The following ENTREP2 variants were observed in gnomAD, a reference collection of about 807,000 sequenced individuals.
The protein encoded by ENTREP2 is protein ENTREP2.
the ENTREP2 span, among the ~76,000 whole-genome samples, chr15:29,657,699 T>C: frequency 1.3e-5 from 2 of 152,150 alleles, no homozygotes; most frequent in African/African-American, 2.4e-5. Context: ...ACAATCCTCT[T>C]GTGAGACAGA....
chr15:29,332,206 A>G, the ENTREP2 span, among the ~76,000 whole-genome samples: 1 of 152,226 alleles, frequency 6.6e-6, no homozygotes, highest in Non-Finnish European at 1.5e-5. Flanking sequence ...CAAAGATATA[A>G]CAAAGTTAAA....
the ENTREP2 span, among the ~76,000 whole-genome samples, chr15:29,159,985 C>T: frequency 6.6e-6 from 1 of 152,246 alleles, no homozygotes; most frequent in Non-Finnish European, 1.5e-5. Context: ...CGGCGCTCGC[C>T]CGGGAGGCTC....
chr15:29,456,666 A>C, the ENTREP2 span, among the ~76,000 whole-genome samples: 1 of 152,196 alleles, frequency 6.6e-6, no homozygotes. Context: ...CCTGGAGAAA[A>C]TATGTATAAA....
the ENTREP2 span, among the ~76,000 whole-genome samples, chr15:29,510,765 C>T: frequency 2.0e-5 from 3 of 149,960 alleles, no homozygotes; most frequent in Non-Finnish European, 4.4e-5. Flanking sequence ...TGAGATCATG[C>T]CGCCACTACA....
At chr15:29,268,134 A>T in the ENTREP2 span, 1 of 152,212 alleles carries the variant, frequency 6.6e-6, no homozygotes, top group Non-Finnish European at 1.5e-5. Flanking sequence ...CCACGATTTA[A>T]AAAACACACA....
chr15:29,388,111 T>A, the ENTREP2 span, among the ~76,000 whole-genome samples: 4 of 152,114 alleles, frequency 2.6e-5, no homozygotes, highest in East Asian at 7.7e-4. Context: ...AAGCCAAAAT[T>A]GACAAATGGG....
chr15:29,636,763 A>G, the ENTREP2 span, among the ~76,000 whole-genome samples: 76 of 152,282 alleles, frequency 5.0e-4, 1 homozygote, highest in African/African-American at 1.8e-3. Flanking sequence ...CCTCCTCAGT[A>G]TATGTAATTT....
the ENTREP2 span, among the ~76,000 whole-genome samples, chr15:29,270,118 A>G: frequency 6.6e-6 from 1 of 152,156 alleles, no homozygotes; most frequent in Admixed American, 6.5e-5. Flanking sequence ...CAGAGGATGA[A>G]CGTGTGAGAA....
chr15:29,366,341 C>G, the ENTREP2 span, among the ~76,000 whole-genome samples: 1 of 152,208 alleles, frequency 6.6e-6, no homozygotes, highest in African/African-American at 2.4e-5. Context: ...TCCCAAACTG[C>G]TGGGATTACA....
the ENTREP2 span, among the ~76,000 whole-genome samples, chr15:29,398,539 C>A: frequency 6.6e-6 from 1 of 151,970 alleles, no homozygotes; most frequent in Non-Finnish European, 1.5e-5. Flanking sequence ...GCCTGGCCAA[C>A]ATGGTAAAAT....
At chr15:29,571,531 G>A in the ENTREP2 span, among the ~76,000 whole-genome samples, 2 of 152,204 alleles carry the variant, frequency 1.3e-5, no homozygotes, top group Non-Finnish European at 2.9e-5. Context: ...TCCGCTGAGA[G>A]AACTCAGCTC....
chr15:29,187,238 A>G, the ENTREP2 span, among the ~76,000 whole-genome samples: 1 of 152,064 alleles, frequency 6.6e-6, no homozygotes, highest in East Asian at 1.9e-4. Flanking sequence ...AACACAACAT[A>G]TTACACTGTC....
the ENTREP2 span, among the ~76,000 whole-genome samples, chr15:29,456,678 C>A: frequency 6.6e-6 from 1 of 152,076 alleles, no homozygotes; most frequent in Middle Eastern, 3.2e-3. Flanking sequence ...ATGTATAAAC[C>A]AAGATGAACA....
chr15:29,588,490 A>AAGAG, the ENTREP2 span, among the ~76,000 whole-genome samples: 2 of 136,428 alleles, frequency 1.5e-5, no homozygotes, highest in Non-Finnish European at 3.1e-5. Flanking sequence ...AAGAGAGATC[A>AAGAG]AGAGAGAGAG....
chr15:29,427,888 C>A, the ENTREP2 span, among the ~76,000 whole-genome samples: 1,841 of 152,298 alleles, frequency 0.012, 33 homozygotes, highest in African/African-American at 0.042. Context: ...GTGAGAAACA[C>A]CAAATCACAC....
At chr15:29,422,451 G>A in the ENTREP2 span, among the ~76,000 whole-genome samples, 266 of 152,248 alleles carry the variant, frequency 1.7e-3, no homozygotes, top group African/African-American at 6.0e-3. Context: ...AGAAAGAAAG[G>A]TTAAATTCTT....
At chr15:29,606,457 A>G in the ENTREP2 span, among the ~76,000 whole-genome samples, 1 of 151,592 alleles carries the variant, frequency 6.6e-6, no homozygotes, top group Non-Finnish European at 1.5e-5. Context: ...GATGGTCTTG[A>G]TCTCCTGACC....
At chr15:29,311,681 C>G in the ENTREP2 span, among the ~76,000 whole-genome samples, 2 of 152,024 alleles carry the variant, frequency 1.3e-5, no homozygotes, top group Admixed American at 6.5e-5. Flanking sequence ...CCGAGTGAGA[C>G]TCCATCCCCC....
the ENTREP2 span, among the ~76,000 whole-genome samples, chr15:29,457,172 G>T: frequency 1.3e-5 from 2 of 152,170 alleles, no homozygotes; most frequent in South Asian, 4.1e-4. Context: ...ACAGAAGCCG[G>T]CATGGTTCCC....
Sources: gnomAD v4.1 joint callset for allele counts (sites outside exome capture counted in the v4.1 genomes callset) on GRCh38, gnomAD v4.1.1 for gene constraint, MANE v1.5 for transcripts, NCBI Gene and HGNC (gene_info 2026-07-23, HGNC 2026-07-21) for gene names.